Variants in RGS7BP observed in about 807,000 individuals in gnomAD.
RGS7BP encodes the protein regulator of G protein signaling 7-binding protein.
In RGS7BP, 9 loss-of-function variants were observed where a neutral mutation model predicts 31.3. That is an observed-to-expected ratio of 0.29 (90% CI 0.17 to 0.50). The LOEUF (loss-of-function observed/expected upper bound fraction) is 0.50, where lower values mean the gene tolerates loss of function less well. RGS7BP is among the 20% of genes least tolerant of loss of function. The pLI, the probability that RGS7BP is intolerant of heterozygous loss-of-function variation, is 0.98. For missense variants in RGS7BP, 274 were observed against 322.0 expected, an observed-to-expected ratio of 0.85 and a Z score of 1.14; for synonymous variants, 115 against 120.1, an observed-to-expected ratio of 0.96 and a Z score of 0.28.
chr5:64,573,844 A>G (rs918894088), intron 2 of RGS7BP, among the ~76,000 whole-genome samples: 1 of 152,210 alleles, frequency 6.6e-6, no homozygotes, highest in African/African-American at 2.4e-5. Flanking sequence ...AGATCTGTCA[A>G]CTACTCTGAT....
intron 2 of RGS7BP, among the ~76,000 whole-genome samples, chr5:64,527,721 T>TA (rs1444376582): frequency 7.0e-6 from 1 of 143,070 alleles, no homozygotes; most frequent in Non-Finnish European, 1.5e-5. Context: ...AGTACAAACA[T>TA]AAAAAATGAC....
chr5:64,515,153 A>C (rs1174472347), intron 2 of RGS7BP, among the ~76,000 whole-genome samples: 7 of 152,178 alleles, frequency 4.6e-5, no homozygotes, highest in Non-Finnish European at 1.0e-4. Flanking sequence ...CTGTTCATTA[A>C]GTTTACTTGG....
At chr5:64,559,327 G>A (rs958588549) in intron 2 of RGS7BP, among the ~76,000 whole-genome samples, 4 of 152,214 alleles carry the variant, frequency 2.6e-5, no homozygotes, top group African/African-American at 9.6e-5. Flanking sequence ...ATTGGGGACT[G>A]GTTCCCCCGA....
intron 2 of RGS7BP, among the ~76,000 whole-genome samples, chr5:64,518,743 A>C (rs554490129): frequency 2.0e-5 from 3 of 152,256 alleles, no homozygotes; most frequent in African/African-American, 7.2e-5. Context: ...AAACACCCAA[A>C]GTGGTAGGGA....
intron 2 of RGS7BP, among the ~76,000 whole-genome samples, chr5:64,511,360 C>T (rs568017636): frequency 6.6e-6 from 1 of 152,346 alleles, no homozygotes; most frequent in South Asian, 2.1e-4. Context: ...ACAAAGTATC[C>T]TCTGACTGTC....
At chr5:64,534,474 G>A (rs1053373265) in intron 2 of RGS7BP, among the ~76,000 whole-genome samples, 3 of 152,144 alleles carry the variant, frequency 2.0e-5, no homozygotes, top group African/African-American at 7.2e-5. Flanking sequence ...TTGTTTTAGA[G>A]GTAAGCAACT....
chr5:64,543,501 C>A (rs1289697414), intron 2 of RGS7BP, among the ~76,000 whole-genome samples: 2 of 152,158 alleles, frequency 1.3e-5, no homozygotes, highest in African/African-American at 4.8e-5. Flanking sequence ...TGACAGTTAT[C>A]TCTCACTCAA....
At chr5:64,538,460 T>C (rs1741428606) in intron 2 of RGS7BP, among the ~76,000 whole-genome samples, 1 of 150,728 alleles carries the variant, frequency 6.6e-6, no homozygotes, top group Admixed American at 6.6e-5. Context: ...AAATATCATC[T>C]AAGCTAAATC....
At chr5:64,524,668 T>C (rs190106737) in intron 2 of RGS7BP, among the ~76,000 whole-genome samples, 1 of 152,190 alleles carries the variant, frequency 6.6e-6, no homozygotes, top group Non-Finnish European at 1.5e-5. Context: ...TCATGTCCTT[T>C]AAAAATTTTA....
chr5:64,598,486 C>A, intron 5 of RGS7BP, 51 bp downstream of exon 5: 1 of 1,105,018 alleles, frequency 9.0e-7, no homozygotes, highest in South Asian at 1.3e-5. Context: ...AATGGGATAA[C>A]CTTGGGAATT....
intron 5 of RGS7BP, among the ~76,000 whole-genome samples, chr5:64,599,994 T>G (rs1743177555): frequency 1.3e-5 from 2 of 152,162 alleles, no homozygotes; most frequent in Non-Finnish European, 2.9e-5. Context: ...TTATTATTAT[T>G]TACAAGTTGG....
intron 2 of RGS7BP, among the ~76,000 whole-genome samples, chr5:64,518,675 A>G (rs1001797785): frequency 1.3e-5 from 2 of 152,206 alleles, no homozygotes; most frequent in African/African-American, 4.8e-5. Context: ...AGCTGGCAGT[A>G]ACATAAGCCA....
chr5:64,530,285 TC>T (rs1369553434), intron 2 of RGS7BP, among the ~76,000 whole-genome samples: 1 of 152,232 alleles, frequency 6.6e-6, no homozygotes, highest in Non-Finnish European at 1.5e-5. Flanking sequence ...GTATTTCATC[TC>T]CCAGGTTTAT....
At chr5:64,563,917 A>G (rs549861864) in intron 2 of RGS7BP, among the ~76,000 whole-genome samples, 42 of 152,232 alleles carry the variant, frequency 2.8e-4, no homozygotes, top group Non-Finnish European at 4.9e-4. Context: ...ACATTTCTGC[A>G]CTTCTTTTAT....
At chr5:64,585,932 C>G (rs1195890389) in intron 3 of RGS7BP, among the ~76,000 whole-genome samples, 1 of 152,110 alleles carries the variant, frequency 6.6e-6, no homozygotes, top group Non-Finnish European at 1.5e-5. Context: ...CCTACCCCAT[C>G]CCCTCCTGAG....
At chr5:64,602,320 T>A (rs1743239195) in intron 5 of RGS7BP, among the ~76,000 whole-genome samples, 1 of 152,226 alleles carries the variant, frequency 6.6e-6, no homozygotes, top group Non-Finnish European at 1.5e-5. Context: ...GTTTTACCAG[T>A]AGCCCCATAT....
Position 64,508,621 on chromosome 5 carries a change from T to C in RGS7BP, c.332+744T>C, listed in dbSNP as rs1030032748. 4.6e-5 allele frequency among the ~76,000 whole-genome samples: 7 copies of C among 152,226 alleles called. No individual in the cohort carries two copies. In the South Asian group the frequency reaches 6.2e-4, roughly 13 times the overall value. ...GGGAAAAAGTTAGCCATGGATTTTGTTAACAGTTCCTATTTTCAAGATAAG... is the reference window on the plus strand; with the variant it reads ...GGGAAAAAGTTAGCCATGGATTTTGCTAACAGTTCCTATTTTCAAGATAAG... On this transcript the variant is annotated intron_variant, in intron 2 of 5. Transcript: ENST00000334025.
At chr5:64,522,923 G>C (rs765335504) in intron 2 of RGS7BP, among the ~76,000 whole-genome samples, 4 of 152,124 alleles carry the variant, frequency 2.6e-5, no homozygotes, top group Non-Finnish European at 5.9e-5. Context: ...CATTATAAAG[G>C]CATTCTCCAT....
intron 2 of RGS7BP, among the ~76,000 whole-genome samples, chr5:64,540,707 T>C (rs1364782551): frequency 6.6e-6 from 1 of 152,170 alleles, no homozygotes; most frequent in Non-Finnish European, 1.5e-5. Flanking sequence ...AAGATTATTA[T>C]TGGGGGAACT....
Sources: gnomAD v4.1 joint callset for allele counts (sites outside exome capture counted in the v4.1 genomes callset) on GRCh38, gnomAD v4.1.1 for gene constraint, MANE v1.5 for transcripts, NCBI Gene and HGNC (gene_info 2026-07-23, HGNC 2026-07-21) for gene names.